DGCR2: variants seen among roughly 807,000 people sequenced by gnomAD.
The protein encoded by DGCR2 is integral membrane protein DGCR2/IDD.
DGCR2 carries 24 observed loss-of-function variants against 51.6 expected under a neutral mutation model. The observed-to-expected ratio is 0.47, with a 90% confidence interval of 0.34 to 0.65. The LOEUF (loss-of-function observed/expected upper bound fraction) is 0.65, where lower values mean the gene tolerates loss of function less well. Among genes scored for constraint, DGCR2 ranks in the 30% least tolerant of loss-of-function variants. The probability of loss-of-function intolerance (pLI) is 0.01; values close to 1 mark genes in which losing one functional copy is unlikely to be tolerated. For synonymous variants in DGCR2, 340 were observed against 315.4 expected, an observed-to-expected ratio of 1.08 and a Z score of -0.82; for missense variants, 765 against 772.1, an observed-to-expected ratio of 0.99 and a Z score of 0.11.
rs117591743 is a variant in DGCR2, at chr22:19,062,064, G to C, written c.625+1138C>G. On this transcript the variant is annotated intron_variant, in intron 5 of 9. Coordinates refer to ENST00000263196, the MANE Select transcript of DGCR2 (RefSeq NM_005137.3). ...AATCATGTCTTCTCTTCAACCACCA[G>C]TGTCAGGAGGACAAGCTACCAGGAT... Among the ~76,000 whole-genome samples, 57 of 152,296 alleles carry C rather than the reference G, an allele frequency of 3.7e-4. No individual in the cohort carries two copies. In the East Asian group the frequency reaches 9.2e-3, roughly 25 times the overall value.
At chr22:19,074,816 T>C (rs1157164752) in intron 2 of DGCR2, among the ~76,000 whole-genome samples, 2 of 152,196 alleles carry the variant, frequency 1.3e-5, no homozygotes, top group African/African-American at 4.8e-5. Context: ...CACCTTTTTT[T>C]TACATCGGAG....
chr22:19,068,546 G>A (rs2082776914), intron 2 of DGCR2, among the ~76,000 whole-genome samples: 1 of 152,232 alleles, frequency 6.6e-6, no homozygotes, highest in Non-Finnish European at 1.5e-5. Flanking sequence ...AAATCCCTCA[G>A]CAGTTCCAGC....
At chr22:19,092,967 GGAGGAGGAA>G (rs1479121938) in intron 1 of DGCR2, among the ~76,000 whole-genome samples, 1 of 136,946 alleles carries the variant, frequency 7.3e-6, no homozygotes, top group Non-Finnish European at 1.6e-5. Context: ...GTTAAAAAAA[GGAGGAGGAA>G]GAGGAGGAAG....
chr22:19,044,859 T>C (rs2082471831), intron 7 of DGCR2, among the ~76,000 whole-genome samples: 1 of 152,270 alleles, frequency 6.6e-6, no homozygotes, highest in Non-Finnish European at 1.5e-5. Context: ...TGAGTTTTTA[T>C]GTATTCTGAA....
intron 4 of DGCR2, 120 bp from the exon 5 acceptor site, chr22:19,063,398 T>C (rs2082709707): frequency 1.1e-6 from 1 of 899,820 alleles, no homozygotes; most frequent in Non-Finnish European, 1.7e-6. Flanking sequence ...TGGAGTGCAG[T>C]GGTGCGATCT....
At chr22:19,101,639 G>A (rs1213048396) in intron 1 of DGCR2, among the ~76,000 whole-genome samples, 1 of 151,860 alleles carries the variant, frequency 6.6e-6, no homozygotes. Context: ...TACTTGGGAG[G>A]CTGAGGCACA....
At chr22:19,122,087 T>C in intron 1 of DGCR2, 41 bp downstream of exon 1, 1 of 1,410,296 alleles carries the variant, frequency 7.1e-7, no homozygotes, top group Non-Finnish European at 9.3e-7. Flanking sequence ...CCGGCCCCGC[T>C]CGCCGCCCAG....
intron 1 of DGCR2, among the ~76,000 whole-genome samples, chr22:19,115,408 G>A (rs2083363585): frequency 6.6e-6 from 1 of 152,114 alleles, no homozygotes; most frequent in South Asian, 2.1e-4. Context: ...CATCACAGAA[G>A]CAAGCTCCTA....
intron 6 of DGCR2, among the ~76,000 whole-genome samples, chr22:19,051,041 T>G (rs1470385960): frequency 1.3e-5 from 2 of 151,752 alleles, no homozygotes; most frequent in South Asian, 2.1e-4. Flanking sequence ...ATAGAAAAAT[T>G]AGCCAGGCGT....
At chr22:19,089,261 C>T in intron 2 of DGCR2, 107 bp downstream of exon 2, 2 of 1,255,902 alleles carry the variant, frequency 1.6e-6, no homozygotes, top group Non-Finnish European at 1.0e-6. Context: ...AACTAACTTT[C>T]CAATGTGTTA....
At chr22:19,080,608 G>A (rs2082925203) in intron 2 of DGCR2, among the ~76,000 whole-genome samples, 1 of 152,168 alleles carries the variant, frequency 6.6e-6, no homozygotes, top group Admixed American at 6.5e-5. Flanking sequence ...GAGGCTGGGG[G>A]CAGGATTGCT....
chr22:19,103,074 A>C (rs1321477564), intron 1 of DGCR2, among the ~76,000 whole-genome samples: 1 of 152,214 alleles, frequency 6.6e-6, no homozygotes, highest in Non-Finnish European at 1.5e-5. Context: ...AAAAGAAATG[A>C]AATACTAACA....
intron 2 of DGCR2, among the ~76,000 whole-genome samples, chr22:19,076,354 G>A (rs1182857493): frequency 3.4e-5 from 5 of 147,626 alleles, no homozygotes; most frequent in African/African-American, 8.1e-5. Flanking sequence ...TGGTAGAGAC[G>A]GGGTTTCACC....
chr22:19,090,438 C>T (rs906432368), intron 1 of DGCR2, among the ~76,000 whole-genome samples: 25 of 152,080 alleles, frequency 1.6e-4, no homozygotes, highest in African/African-American at 5.8e-4. Context: ...AAAAAGAAGA[C>T]ATGCACAGAA....
In DGCR2 at chr22:19,122,143, C is replaced by T. The variant is rs1468448965; in HGVS notation, c.64G>A (p.Glu22Lys). ...LLFLLVLTVT[E>K]PLRPELRCNP... The stretch of plus-strand genomic sequence containing the variant: ...CGCGGCGCACCTGGCCGCAGCGGCT[C>T]GGTGACAGTGAGCACGAGCAGGAAG... The change falls in exon 1 of 10, where the codon GAG becomes AAG. Residue 22 changes from glutamate (E) to lysine (K), a missense_variant. Glu to Lys is a moderately conservative substitution (Grantham distance 56, BLOSUM62 1). This residue lies in a region of DGCR2 where 370 missense variants were observed against 325.5 expected (regional missense o/e 1.14). Coordinates refer to ENST00000263196, the MANE Select transcript of DGCR2 (RefSeq NM_005137.3). The T allele has an allele frequency of 6.7e-7, 1 of 1,501,482 alleles. No homozygotes were observed. The highest frequency in any genetic ancestry group is 8.9e-7 in the Non-Finnish European group (1 of 1,124,830). The allele number at this position is 1,501,482 out of a possible 1,614,324, so 93.0% of individuals were successfully genotyped here. A position where few individuals can be genotyped will look rare whatever the true frequency, so the allele number is the denominator to read the frequency against.
intron 1 of DGCR2, among the ~76,000 whole-genome samples, chr22:19,089,809 G>A (rs933074693): frequency 1.3e-5 from 2 of 152,230 alleles, no homozygotes; most frequent in African/African-American, 4.8e-5. Context: ...TTGAACTCCT[G>A]GCCTCAAGTG....
chr22:19,099,750 C>T (rs2083181145), intron 1 of DGCR2, among the ~76,000 whole-genome samples: 1 of 151,888 alleles, frequency 6.6e-6, no homozygotes. Flanking sequence ...GCACGTGGAT[C>T]ACAAGGTCAG....
chr22:19,048,049 C>CA (rs1259131687), intron 7 of DGCR2: 1 of 257,666 alleles, frequency 3.9e-6, no homozygotes, highest in African/African-American at 2.2e-5. Context: ...AAAAACTAGC[C>CA]AGGCATGGTG....
chr22:19,065,165 C>T (rs954739772), intron 3 of DGCR2, 98 bp from the exon 4 acceptor site: 7 of 1,065,812 alleles, frequency 6.6e-6, no homozygotes, highest in Admixed American at 4.3e-5. Flanking sequence ...TTGTAAATCA[C>T]CCTAGAGAAG....
Sources: allele counts gnomAD v4.1 joint callset (sites outside exome capture counted in the v4.1 genomes callset), GRCh38; gene constraint gnomAD v4.1.1; regional missense constraint gnomAD v4.1.1; transcripts MANE v1.5; gene names NCBI Gene and HGNC (gene_info 2026-07-23, HGNC 2026-07-21).